Variants in RHBDL2 observed in about 807,000 individuals in gnomAD.
RHBDL2 encodes rhomboid-related protein 2.
Under a neutral mutation model 31.7 loss-of-function variants are expected in RHBDL2, and 26 were observed. The observed-to-expected ratio is 0.82, with a 90% CI of 0.60 to 1.14. The LOEUF (loss-of-function observed/expected upper bound fraction) is 1.14. RHBDL2 is among the 50% of genes most tolerant of loss of function. RHBDL2 has a pLI of 0.00. For missense variants in RHBDL2, 336 were observed against 364.4 expected (o/e 0.92, Z 0.63); for synonymous variants, 123 against 127.2 (o/e 0.97, Z 0.22).
chr1:38,925,430 G>A (rs1001492250), intron 1 of RHBDL2, among the ~76,000 whole-genome samples: 1 of 151,874 alleles, frequency 6.6e-6, no homozygotes, highest in Admixed American at 6.6e-5. Context: ...CCCAGGAGGT[G>A]GAGGTTGCAG....
At chr1:38,905,435 T>C (rs1050429008) in intron 4 of RHBDL2, among the ~76,000 whole-genome samples, 1 of 150,408 alleles carries the variant, frequency 6.6e-6, no homozygotes, top group Non-Finnish European at 1.5e-5. Context: ...AATAAATGGA[T>C]TGGTAAAGAG....
intron 1 of RHBDL2, among the ~76,000 whole-genome samples, chr1:38,922,778 C>T (rs1399558193): frequency 6.6e-6 from 1 of 151,630 alleles, no homozygotes; most frequent in Non-Finnish European, 1.5e-5. Flanking sequence ...GGAAATATTA[C>T]CTATTAGATT....
intron 3 of RHBDL2, among the ~76,000 whole-genome samples, chr1:38,913,838 GC>G (rs1643191475): frequency 1.3e-5 from 2 of 152,290 alleles, no homozygotes; most frequent in South Asian, 4.1e-4. Context: ...ACTATAGGCG[GC>G]CGGGCACAGT....
At chr1:38,940,087 T>A (rs1197625160) in intron 1 of RHBDL2, among the ~76,000 whole-genome samples, 1 of 152,236 alleles carries the variant, frequency 6.6e-6, no homozygotes, top group Non-Finnish European at 1.5e-5. Flanking sequence ...ATTAGCCATG[T>A]GACCTTAGGC....
intron 1 of RHBDL2, chr1:38,926,097 T>G: frequency 1.7e-6 from 2 of 1,203,332 alleles, no homozygotes; most frequent in South Asian, 2.9e-5. Context: ...ACTACAGACA[T>G]TAACCATGCC....
rs778356685 is a variant in RHBDL2, at chr1:38,886,681, C to T, written c.735G>A (p.Val245=). ...CACCTGCAATGTGAGCTGCAAAAGA[C>T]ACCTTGGGAGAAAAGGAGGGAAAAT... is the stretch of plus-strand genomic sequence containing the variant. ...RFFVPEDGSP[V]SFAAHIAGGF... The change falls in exon 8 of 8, where the codon GTG becomes GTA. Residue 245 remains valine, a splice_region_variant and synonymous_variant. Coordinates refer to ENST00000372990, the MANE Select transcript of RHBDL2 (RefSeq NM_017821.5). 11 of 1,542,844 alleles carry T rather than the reference C, an allele frequency of 7.1e-6. No individual in the cohort carries two copies. The highest frequency in any genetic ancestry group is 8.8e-6 in the Non-Finnish European group (10 of 1,139,306).
chr1:38,925,853 A>T, intron 1 of RHBDL2: 1 of 699,028 alleles, frequency 1.4e-6, no homozygotes, highest in Non-Finnish European at 2.0e-6. Context: ...GTCATGTGAG[A>T]TATCCAGGCA....
At chr1:38,921,358 G>A (rs1355726087) in intron 1 of RHBDL2, among the ~76,000 whole-genome samples, 2 of 152,208 alleles carry the variant, frequency 1.3e-5, no homozygotes, top group African/African-American at 4.8e-5. Context: ...TCCAGACTGG[G>A]TGATGGAGCA....
rs1570908092 is a variant in RHBDL2 at position 38,886,425 on chromosome 1, G to A, written c.*79C>T. 2.6e-6 allele frequency: 3 copies of A among 1,139,146 alleles called. No homozygotes were observed. The East Asian group carries it at 7.7e-5, about 29-fold the overall frequency. The allele number at this position is 1,139,146 out of a possible 1,614,324, so 70.6% of individuals were successfully genotyped here. A position where few individuals can be genotyped will look rare whatever the true frequency, so the allele number is the denominator to read the frequency against. On this transcript the variant is annotated 3_prime_UTR_variant, in exon 8 of 8. Coordinates refer to ENST00000372990, the MANE Select transcript of RHBDL2 (RefSeq NM_017821.5). ...TGTTAGCCTTTTCTGAGACTTCTCTGTTTCTTCATAGAGTCTTCCTTTTTT... is the reference window on the plus strand; with the variant it reads ...TGTTAGCCTTTTCTGAGACTTCTCTATTTCTTCATAGAGTCTTCCTTTTTT...
intron 1 of RHBDL2, among the ~76,000 whole-genome samples, chr1:38,920,316 C>T (rs1046209073): frequency 1.3e-4 from 20 of 151,498 alleles, no homozygotes; most frequent in African/African-American, 2.9e-4. Context: ...TATGGGCACC[C>T]GGCACCACAC....
intron 4 of RHBDL2, among the ~76,000 whole-genome samples, chr1:38,900,554 G>A (rs868050033): frequency 6.6e-6 from 1 of 152,110 alleles, no homozygotes; most frequent in South Asian, 2.1e-4. Flanking sequence ...CTGAGAGGCA[G>A]AGGTTGCAGT....
chr1:38,902,876 T>C (rs1216898757), intron 4 of RHBDL2, among the ~76,000 whole-genome samples: 3 of 152,004 alleles, frequency 2.0e-5, no homozygotes, highest in Non-Finnish European at 4.4e-5. Flanking sequence ...AACTAGATAT[T>C]AACAACAGAA....
In RHBDL2 at chr1:38,901,416, C is replaced by G. The variant is rs1307447660; in HGVS notation, c.509-5347G>C. The stretch of plus-strand genomic sequence containing the variant: ...GGCAGAGGTTGCAGTAACCCAAGAT[C>G]GCACCATTGCACTCCAGCCTAGGTG... On this transcript the variant is annotated intron_variant, in intron 4 of 7. Transcript: ENST00000372990. Among the ~76,000 whole-genome samples the G allele has an allele frequency of 4.2e-5, 6 of 142,552 alleles. No homozygotes were observed. In the South Asian group the frequency reaches 1.3e-3, roughly 31 times the overall value. 93.5% of individuals were successfully genotyped at this position (142,552 alleles called of 152,430 possible). A position where few individuals can be genotyped will look rare whatever the true frequency, so the allele number is the denominator to read the frequency against.
At chr1:38,930,175 C>T in intron 1 of RHBDL2, among the ~76,000 whole-genome samples, 1 of 152,140 alleles carries the variant, frequency 6.6e-6, no homozygotes, top group Non-Finnish European at 1.5e-5. Context: ...GAGCCCCAGT[C>T]ACATGCAGGG....
chr1:38,935,834 G>A lies in RHBDL2; in HGVS notation c.-126+5848C>T, dbSNP rs183580892. ...TAGCCATGTCGCCCATGCTGGTCTC[G>A]AACTCCTGAGCTCAAGCGATCTGCC... On this transcript the variant is annotated intron_variant, in intron 1 of 7. Coordinates refer to ENST00000372990, the MANE Select transcript of RHBDL2 (RefSeq NM_017821.5). Among the ~76,000 whole-genome samples the A allele has an allele frequency of 1.3e-4, 20 of 152,024 alleles. No individual in the cohort carries two copies. The East Asian group carries it at 3.9e-3, about 29-fold the overall frequency.
At chr1:38,916,754 C>A (rs1166831213) in intron 2 of RHBDL2, among the ~76,000 whole-genome samples, 10 of 150,858 alleles carry the variant, frequency 6.6e-5, no homozygotes, top group Admixed American at 6.6e-4. Flanking sequence ...ACCTGTAATC[C>A]CAGCTACTTG....
chr1:38,888,689 A>G (rs1236452388), intron 6 of RHBDL2, among the ~76,000 whole-genome samples: 2 of 152,204 alleles, frequency 1.3e-5, no homozygotes, highest in Non-Finnish European at 2.9e-5. Context: ...GGTTTTTACC[A>G]AGACCAGCAG....
intron 5 of RHBDL2, among the ~76,000 whole-genome samples, chr1:38,895,071 G>A (rs978778738): frequency 5.9e-5 from 9 of 151,990 alleles, no homozygotes; most frequent in Non-Finnish European, 1.2e-4. Context: ...TTTTTTCAGC[G>A]AGAGATTCAT....
At position 38,886,654 on chromosome 1, in the gene RHBDL2, T is replaced by C. The variant is rs1642788776; in HGVS notation, c.762A>G (p.Gly254=). The C allele has an allele frequency of 1.9e-6, 3 of 1,567,426 alleles. No individual in the cohort carries two copies. The highest frequency in any genetic ancestry group is 2.6e-6 in the Non-Finnish European group (3 of 1,152,218). ...TGTAGCCAATGGACATTCCAGCAAA[T>C]CCACCTGCAATGTGAGCTGCAAAAG... ...PVSFAAHIAG[G]FAGMSIGYTV... is the part of the protein sequence containing the mutation. The change falls in exon 8 of 8, where the codon GGA becomes GGG. Residue 254 remains glycine (G), a synonymous_variant. Coordinates refer to ENST00000372990, the MANE Select transcript of RHBDL2 (RefSeq NM_017821.5).
Sources: allele counts gnomAD v4.1 joint callset (sites outside exome capture counted in the v4.1 genomes callset), GRCh38; gene constraint gnomAD v4.1.1; transcripts MANE v1.5; gene names NCBI Gene and HGNC (gene_info 2026-07-23, HGNC 2026-07-21).